Variants in ZNF3 observed in about 807,000 individuals in gnomAD.
ZNF3 encodes the protein zinc finger protein 3.
Under a neutral mutation model 36.9 loss-of-function variants are expected in ZNF3, and 16 were observed. The observed-to-expected ratio is 0.43, with a 90% CI of 0.29 to 0.66. The LOEUF is 0.66. Among genes scored for constraint, ZNF3 ranks in the 30% least tolerant of loss-of-function variants. ZNF3 has a pLI of 0.13. For synonymous variants in ZNF3, 201 were observed against 201.9 expected, an observed-to-expected ratio of 1.00 and a Z score of 0.04; for missense variants, 462 against 543.1, an observed-to-expected ratio of 0.85 and a Z score of 1.48.
Position 100,072,008 on chromosome 7 carries a change from G to A in ZNF3, c.476C>T (p.Thr159Ile), listed in dbSNP as rs1159608191. 1 of 1,613,944 alleles carries A rather than the reference G, an allele frequency of 6.2e-7. No individual in the cohort carries two copies. The highest frequency in any genetic ancestry group is 1.1e-5 in the South Asian group (1 of 91,014). The change falls in exon 6 of 6, where the codon ACA becomes ATA. Residue 159 changes from threonine (T) to isoleucine (I), a missense_variant. Transcript: ENST00000299667. ...CCTGGGGGTTAGCTTCTCCTCAACT[G>A]TCACTTGACCAAAATCTGGCATTTT... ...NRKMPDFGQVTVEEKLTPRGE... is the reference protein window; with the variant it reads ...NRKMPDFGQVIVEEKLTPRGE...
At chr7:100,076,622 CTCTG>C (rs1794159402) in intron 3 of ZNF3, among the ~76,000 whole-genome samples, 1 of 152,290 alleles carries the variant, frequency 6.6e-6, no homozygotes, top group South Asian at 2.1e-4. Flanking sequence ...TTCCTATTCA[CTCTG>C]TCTTTTTGTC....
downstream of ZNF3, chr7:100,065,093 A>G: frequency 1.1e-6 from 1 of 927,766 alleles, no homozygotes; most frequent in Non-Finnish European, 1.6e-6. Flanking sequence ...GAATACTTAC[A>G]GATGGAGAAA....
In ZNF3 at chr7:100,071,227, A is replaced by C; in HGVS notation, c.1257T>G (p.Thr419=). 1 of 1,614,258 alleles carries C rather than the reference A, an allele frequency of 6.2e-7. No homozygotes were observed. Among genetic ancestry groups the C allele is most frequent in the Non-Finnish European group, 8.5e-7 (1 of 1,180,050 alleles). Reference sequence around the variant, plus strand: ...CGATCCCATTCAAAGGCTTCTCTCCAGTGTGAATTCTCTGATGGCGAACAA... The same window carrying C: ...CGATCCCATTCAAAGGCTTCTCTCCCGTGTGAATTCTCTGATGGCGAACAA... ...SALVRHQRIH[T]GEKPLNGIGM... The change falls in exon 6 of 6, where the codon ACT becomes ACG. Residue 419 remains threonine (T), a synonymous_variant. Coordinates refer to ENST00000299667, the MANE Select transcript of ZNF3 (RefSeq NM_032924.5).
At chr7:100,067,801 TC>T (rs1792725167), downstream of ZNF3, among the ~76,000 whole-genome samples, 1 of 152,136 alleles carries the variant, frequency 6.6e-6, no homozygotes, top group South Asian at 2.1e-4. Context: ...AAATCCCATC[TC>T]CTCTACAATC....
intron 4 of ZNF3, 121 bp downstream of exon 4, chr7:100,075,421 G>T (rs752857532): frequency 1.3e-6 from 2 of 1,501,076 alleles, no homozygotes; most frequent in Non-Finnish European, 9.2e-7. Context: ...GAAGGTGAGG[G>T]TCCATGATTC....
At chr7:100,074,503 C>T (rs1424076120) in intron 5 of ZNF3, among the ~76,000 whole-genome samples, 1 of 152,144 alleles carries the variant, frequency 6.6e-6, no homozygotes, top group Non-Finnish European at 1.5e-5. Context: ...AACTCTTGAC[C>T]TCAAGTGATC....
At chr7:100,077,721 A>G (rs957020212) in intron 2 of ZNF3, 29 of 163,256 alleles carry the variant, frequency 1.8e-4, no homozygotes, top group Non-Finnish European at 3.2e-4. Flanking sequence ...CGCGCCCGGT[A>G]TTTTTAAATT....
At position 100,071,713 on chromosome 7, in the gene ZNF3, T is replaced by C. The variant is rs1793182581; in HGVS notation, c.771A>G (p.Glu257=). 1 of 1,613,534 alleles carries C rather than the reference T, an allele frequency of 6.2e-7. No homozygotes were observed. The highest frequency in any genetic ancestry group is 1.3e-5 in the African/African-American group (1 of 74,692). Reference sequence around the variant, plus strand: ...TGAAGGTTTTCCCACAATCACTACATTCATAAGGTTTTTCCCCAGTGTGGA... The same window carrying C: ...TGAAGGTTTTCCCACAATCACTACACTCATAAGGTTTTTCCCCAGTGTGGA... ...QRIHTGEKPY[E]CSDCGKTFSC... The change falls in exon 6 of 6, where the codon GAA becomes GAG. Residue 257 remains glutamate, a synonymous_variant. Transcript: ENST00000299667.
downstream of ZNF3, among the ~76,000 whole-genome samples, chr7:100,068,322 C>T (rs946451867): frequency 3.3e-5 from 5 of 151,972 alleles, no homozygotes; most frequent in East Asian, 2.0e-4. Context: ...CCTCGTGATC[C>T]GCCCGCCTTG....
chr7:100,072,187 A>T lies in ZNF3; in HGVS notation c.297T>A (p.Asp99Glu), dbSNP rs371007086. 85 of 1,595,670 alleles carry T rather than the reference A, an allele frequency of 5.3e-5. No individual in the cohort carries two copies. The highest frequency in any genetic ancestry group is 7.2e-5 in the Non-Finnish European group (84 of 1,174,576). Residue 99 changes from aspartate to glutamate, a missense_variant, in exon 6 of 6, where the codon GAT (aspartate) becomes GAA (glutamate). Physicochemically the swap from Asp to Glu is conservative, Grantham distance 45. Transcript: ENST00000299667. ...SLDRETRTEN[D>E]QEISEDTRSH... ...ATCTTGTGTCTTCAGAAATTTCTTG[A>T]TCATTTTCAGTCCTGGTCTCACGAT...
chr7:100,072,323 C>A, intron 5 of ZNF3, 111 bp from the exon 6 acceptor site: 1 of 989,206 alleles, frequency 1.0e-6, no homozygotes, highest in Non-Finnish European at 1.5e-6. Flanking sequence ...CACATGCCTA[C>A]AAAGAGGCCT....
chr7:100,078,499 AAAAAAAAAAAAG>A (rs1248985761), intron 2 of ZNF3, among the ~76,000 whole-genome samples: 1 of 150,996 alleles, frequency 6.6e-6, no homozygotes, highest in Non-Finnish European at 1.5e-5. Context: ...CTGCCTCAAA[AAAAAAAAAAAAG>A]AAAAAGAAAA....
At chr7:100,068,992 TATA>T (rs1349631432), downstream of ZNF3, among the ~76,000 whole-genome samples, 80 of 151,154 alleles carry the variant, frequency 5.3e-4, no homozygotes, top group African/African-American at 1.9e-3. Flanking sequence ...GATATATATA[TATA>T]ATTTTTTTTT....
chr7:100,067,606 T>G (rs1050722731), downstream of ZNF3, among the ~76,000 whole-genome samples: 16 of 152,160 alleles, frequency 1.1e-4, no homozygotes, highest in Non-Finnish European at 1.5e-5. Flanking sequence ...CTCACTATGT[T>G]GCCCAGGCTG....
downstream of ZNF3, among the ~76,000 whole-genome samples, chr7:100,068,783 G>A (rs531966009): frequency 2.6e-5 from 4 of 151,982 alleles, no homozygotes; most frequent in East Asian, 3.9e-4. Flanking sequence ...TCAGCCTCCC[G>A]AGTAGCTGGG....
At chr7:100,064,876 A>G (rs777413776) in exon 6 of ZNF3, 36 of 1,605,198 alleles carry the variant, frequency 2.2e-5, no homozygotes, top group Non-Finnish European at 2.9e-5. Context: ...CCATGCCAGC[A>G]TTACCTTTTG....
exon 6 of ZNF3, chr7:100,064,178 T>C: frequency 6.2e-7 from 1 of 1,613,636 alleles, no homozygotes; most frequent in Non-Finnish European, 8.5e-7. Flanking sequence ...AGAACACACT[T>C]GGTGGACCGG....
At chr7:100,068,314 T>C (rs937816269), downstream of ZNF3, among the ~76,000 whole-genome samples, 3 of 150,356 alleles carry the variant, frequency 2.0e-5, no homozygotes, top group African/African-American at 7.3e-5. Flanking sequence ...AACTCTCACC[T>C]CGTGATCCGC....
At chr7:100,077,539 A>T in intron 2 of ZNF3, 106 bp from the exon 3 acceptor site, 1 of 1,104,054 alleles carries the variant, frequency 9.1e-7, no homozygotes, top group Non-Finnish European at 1.2e-6. Flanking sequence ...AGTGAGAAGA[A>T]ATGTGGCAAC....
Sources: gnomAD v4.1 joint callset for allele counts (sites outside exome capture counted in the v4.1 genomes callset) on GRCh38, gnomAD v4.1.1 for gene constraint, MANE v1.5 for transcripts, NCBI Gene and HGNC (gene_info 2026-07-23, HGNC 2026-07-21) for gene names.